MTHFS: variants seen among roughly 807,000 people sequenced by gnomAD.
MTHFS encodes methenyltetrahydrofolate synthetase, also known as 5-formyltetrahydrofolate cyclo-ligase.
Under a neutral mutation model 12.7 loss-of-function variants are expected in MTHFS, and 7 were observed. The observed-to-expected ratio is 0.55, with a 90% confidence interval of 0.31 to 1.03. The LOEUF is 1.03. Ranked by LOEUF, MTHFS falls within the 50% of genes least tolerant of loss-of-function variation. The pLI is 0.05. For synonymous variants in MTHFS, 100 were observed against 97.1 expected, an observed-to-expected ratio of 1.03 and a Z score of -0.18; for missense variants, 252 against 258.1, an observed-to-expected ratio of 0.98 and a Z score of 0.16.
Position 79,843,739 on chromosome 15 carries a change from T to C in MTHFS, c.*1471A>G, listed in dbSNP as rs1283400651. ...TAAGAAGTATAAAGATCACTTCTTT[T>C]CTTTGGAGCTCACAGTATGGTGAAG... On this transcript the variant is annotated 3_prime_UTR_variant, in exon 3 of 3. Transcript: ENST00000258874. The C allele has an allele frequency of 1.3e-5, 2 of 152,248 alleles. No individual in the cohort carries two copies. The highest frequency in any genetic ancestry group is 2.9e-5 in the Non-Finnish European group (2 of 68,050). 9.4% of individuals were successfully genotyped at this position (152,248 alleles called of 1,614,324 possible). A position where few individuals can be genotyped will look rare whatever the true frequency, so the allele number is the denominator to read the frequency against.
At chr15:79,889,925 G>C (rs2034445595) in intron 1 of MTHFS, among the ~76,000 whole-genome samples, 1 of 152,052 alleles carries the variant, frequency 6.6e-6, no homozygotes, top group Non-Finnish European at 1.5e-5. Flanking sequence ...ATTGTTTCAT[G>C]TGCCCTAAAT....
At chr15:79,850,881 T>G (rs2033705860) in intron 2 of MTHFS, among the ~76,000 whole-genome samples, 1 of 152,150 alleles carries the variant, frequency 6.6e-6, no homozygotes, top group African/African-American at 2.4e-5. Flanking sequence ...GCTCTGAGGA[T>G]TCAGTTCACC....
intron 2 of MTHFS, among the ~76,000 whole-genome samples, chr15:79,855,495 T>C (rs2033782409): frequency 6.6e-6 from 1 of 152,206 alleles, no homozygotes; most frequent in African/African-American, 2.4e-5. Context: ...AATGGGTGGA[T>C]GGAACTTTTC....
At chr15:79,873,569 T>C (rs1300325252) in intron 2 of MTHFS, among the ~76,000 whole-genome samples, 1 of 151,876 alleles carries the variant, frequency 6.6e-6, no homozygotes, top group African/African-American at 2.4e-5. Flanking sequence ...AAAAAAATAC[T>C]GTATATCAAA....
chr15:79,887,106 C>T (rs369650143), intron 2 of MTHFS, among the ~76,000 whole-genome samples: 4 of 152,060 alleles, frequency 2.6e-5, no homozygotes, highest in African/African-American at 9.7e-5. Flanking sequence ...CGGTGGCGCA[C>T]GCCTGTAATT....
chr15:79,895,784 TAATAG>T (rs1019422626), intron 1 of MTHFS, among the ~76,000 whole-genome samples: 7 of 152,188 alleles, frequency 4.6e-5, no homozygotes, highest in Admixed American at 3.9e-4. Context: ...AAATAACGGA[TAATAG>T]AATAGTGAAG....
chr15:79,880,800 A>AAAAC (rs74568691), intron 2 of MTHFS, among the ~76,000 whole-genome samples: 17,118 of 149,392 alleles, frequency 0.11, 1,115 homozygotes, highest in Middle Eastern at 0.17. Flanking sequence ...GCAAAAAAAA[A>AAAAC]AAACAAACAA....
intron 2 of MTHFS, among the ~76,000 whole-genome samples, chr15:79,847,577 G>A (rs923220778): frequency 6.6e-5 from 10 of 151,328 alleles, no homozygotes; most frequent in Non-Finnish European, 1.2e-4. Context: ...CCAGCTACTC[G>A]GGAGGCTGAG....
chr15:79,848,426 C>A (rs1487581448), intron 2 of MTHFS, among the ~76,000 whole-genome samples: 2 of 152,188 alleles, frequency 1.3e-5, no homozygotes, highest in African/African-American at 4.8e-5. Flanking sequence ...ATCTGCTGTA[C>A]AACTGTGCTT....
intron 2 of MTHFS, among the ~76,000 whole-genome samples, chr15:79,848,978 T>C (rs911289144): frequency 1.3e-5 from 2 of 152,154 alleles, no homozygotes; most frequent in African/African-American, 4.8e-5. Flanking sequence ...TAAATTTGGC[T>C]CAAAGAGGCA....
intron 2 of MTHFS, among the ~76,000 whole-genome samples, chr15:79,846,369 G>A (rs534272037): frequency 1.3e-5 from 2 of 152,258 alleles, no homozygotes; most frequent in South Asian, 4.1e-4. Context: ...AGCTGTCCTG[G>A]GGGTTTCTGG....
intron 2 of MTHFS, among the ~76,000 whole-genome samples, chr15:79,856,115 C>CTAATT (rs1456714257): frequency 6.6e-6 from 1 of 152,180 alleles, no homozygotes; most frequent in Non-Finnish European, 1.5e-5. Context: ...AATGGCTGAA[C>CTAATT]TAATTTACAC....
intron 1 of MTHFS, among the ~76,000 whole-genome samples, chr15:79,891,963 CAAAAAAA>C (rs57309663): frequency 8.3e-5 from 7 of 84,264 alleles, no homozygotes; most frequent in Admixed American, 1.6e-4. Context: ...AACTCCATCT[CAAAAAAA>C]AAAAAAAAAA....
chr15:79,850,123 T>C (rs913697582), intron 2 of MTHFS, among the ~76,000 whole-genome samples: 3 of 152,262 alleles, frequency 2.0e-5, no homozygotes, highest in African/African-American at 4.8e-5. Context: ...TATTAGATAA[T>C]GCAACATATC....
intron 1 of MTHFS, among the ~76,000 whole-genome samples, chr15:79,890,207 CTTTTTTTTTTTTTTTT>C (rs71150999): frequency 8.9e-5 from 9 of 100,690 alleles, no homozygotes; most frequent in Non-Finnish European, 9.5e-5. Context: ...CTCTTTTTTC[CTTTTTTTTTTTTTTTT>C]TTTTTTTTTT....
At position 79,896,867 on chromosome 15, in the gene MTHFS, C is replaced by A. The variant is rs1417387177; in HGVS notation, c.117+5G>T. ...CCGCGGCTTCCGCTACGGGCGGCCT[C>A]GCACCTTCTGGCTCAGTACGCGGGA... On this transcript the variant is annotated splice_donor_5th_base_variant and intron_variant, in intron 1 of 2. Coordinates refer to ENST00000258874, the MANE Select transcript of MTHFS (RefSeq NM_006441.4). 1.3e-6 allele frequency: 2 copies of A among 1,542,414 alleles called. No individual in the cohort carries two copies. Among genetic ancestry groups the A allele is most frequent in the East Asian group, 2.4e-5 (1 of 40,842 alleles).
At chr15:79,875,289 A>G (rs1318609427) in intron 2 of MTHFS, among the ~76,000 whole-genome samples, 2 of 151,660 alleles carry the variant, frequency 1.3e-5, no homozygotes, top group Non-Finnish European at 2.9e-5. Context: ...AAAAAAAAAA[A>G]TCACTAGAGA....
intron 2 of MTHFS, among the ~76,000 whole-genome samples, chr15:79,875,646 T>C (rs1369605716): frequency 1.3e-5 from 2 of 152,038 alleles, no homozygotes; most frequent in Non-Finnish European, 2.9e-5. Context: ...GAGGCATAAA[T>C]CTTCATGACC....
At chr15:79,852,352 C>A (rs770368047) in intron 2 of MTHFS, among the ~76,000 whole-genome samples, 10 of 152,170 alleles carry the variant, frequency 6.6e-5, no homozygotes, top group Non-Finnish European at 1.5e-4. Context: ...ATATATTCAA[C>A]TTCTGATTAT....
Sources: gnomAD v4.1 joint callset for allele counts (sites outside exome capture counted in the v4.1 genomes callset) on GRCh38, gnomAD v4.1.1 for gene constraint, MANE v1.5 for transcripts, NCBI Gene and HGNC (gene_info 2026-07-23, HGNC 2026-07-21) for gene names.